Variants in RALGAPA1 observed in about 807,000 individuals in gnomAD.
RALGAPA1 encodes Ral GTPase activating protein catalytic subunit alpha 1.
A neutral mutation model predicts 269.6 loss-of-function variants in RALGAPA1; 52 were observed. That is an observed-to-expected ratio of 0.19 (90% confidence interval 0.15 to 0.24). RALGAPA1 has a LOEUF of 0.24. RALGAPA1 is among the 10% of genes least tolerant of loss of function. The probability of loss-of-function intolerance (pLI) is 1.00; values close to 1 mark genes in which losing one functional copy is unlikely to be tolerated. For missense variants in RALGAPA1, 1,917 were observed against 3,013.9 expected (o/e 0.64, Z 8.52); for synonymous variants, 817 against 1,008.3 (o/e 0.81, Z 3.60).
Position 35,688,264 on chromosome 14 carries a change from A to T in RALGAPA1, c.3952+195T>A, listed in dbSNP as rs185145805. On this transcript the variant is annotated intron_variant, in intron 18 of 41. Coordinates refer to ENST00000680220, the MANE Select transcript of RALGAPA1 (RefSeq NM_001346249.2). The stretch of plus-strand genomic sequence containing the variant: ...AAAGAGGTTTAACTAAATGCCTTAT[A>T]AGGGAAATTAGTAATTTAAATAAAC... 6.6e-5 allele frequency among the ~76,000 whole-genome samples: 10 copies of T among 152,330 alleles called. No homozygotes were observed. The East Asian group carries it at 1.7e-3, about 26-fold the overall frequency.
chr14:35,597,088 G>A (rs2058973255), intron 36 of RALGAPA1, among the ~76,000 whole-genome samples: 1 of 152,114 alleles, frequency 6.6e-6, no homozygotes, highest in Non-Finnish European at 1.5e-5. Flanking sequence ...GTTGTTTTCT[G>A]TCTTTTGCTA....
intron 35 of RALGAPA1, among the ~76,000 whole-genome samples, chr14:35,618,938 C>T (rs531366428): frequency 2.0e-5 from 3 of 152,026 alleles, no homozygotes; most frequent in African/African-American, 7.2e-5. Context: ...TGGTGCTTTG[C>T]TTTTTCTACA....
At chr14:35,548,404 G>C in intron 41 of RALGAPA1, 104 bp downstream of exon 41, 1 of 775,256 alleles carries the variant, frequency 1.3e-6, no homozygotes, top group East Asian at 2.8e-5. Context: ...ACCGGACAGT[G>C]TTAAGTTTAC....
In RALGAPA1 at chr14:35,669,093, T is replaced by G. The variant is rs568114583; in HGVS notation, c.5202+2296A>C. ...CTTTCAGGGACATATTTATGTATAT[T>G]TTCCATGAAACCTCCATGATATCCC... On this transcript the variant is annotated intron_variant, in intron 26 of 41. Transcript: ENST00000680220. Among the ~76,000 whole-genome samples, 10 of 152,294 alleles carry G rather than the reference T, an allele frequency of 6.6e-5. 1 individual carries two copies. Among genetic ancestry groups the G allele is most frequent in the African/African-American group, 2.4e-4 (10 of 41,574 alleles).
At chr14:35,798,870 C>A (rs1434963055) in intron 1 of RALGAPA1, among the ~76,000 whole-genome samples, 1 of 152,034 alleles carries the variant, frequency 6.6e-6, no homozygotes, top group Non-Finnish European at 1.5e-5. Context: ...GTGGTACATG[C>A]CTGTAATCCC....
chr14:35,668,750 A>G (rs2064159670), intron 26 of RALGAPA1, among the ~76,000 whole-genome samples: 1 of 152,184 alleles, frequency 6.6e-6, no homozygotes, highest in Non-Finnish European at 1.5e-5. Context: ...GGCTGCAGTG[A>G]GCCTCGATTG....
At chr14:35,776,315 A>G (rs1043376563) in intron 1 of RALGAPA1, among the ~76,000 whole-genome samples, 1 of 151,812 alleles carries the variant, frequency 6.6e-6, no homozygotes, top group Admixed American at 6.6e-5. Flanking sequence ...CAGGAGGTGG[A>G]GGCTACAGTG....
intron 6 of RALGAPA1, among the ~76,000 whole-genome samples, chr14:35,760,155 T>C (rs1342372691): frequency 3.3e-5 from 5 of 152,146 alleles, no homozygotes; most frequent in African/African-American, 9.7e-5. Context: ...CAAGGTGATA[T>C]GTAATAATTA....
At chr14:35,602,924 G>A (rs1035615076) in intron 36 of RALGAPA1, among the ~76,000 whole-genome samples, 1 of 152,074 alleles carries the variant, frequency 6.6e-6, no homozygotes. Context: ...TTTTGTATAT[G>A]GTATGGGGTA....
intron 37 of RALGAPA1, among the ~76,000 whole-genome samples, chr14:35,583,736 C>T (rs2058096914): frequency 6.6e-6 from 1 of 151,892 alleles, no homozygotes; most frequent in African/African-American, 2.4e-5. Flanking sequence ...TATAGAGTAG[C>T]AAAGATAAAA....
intron 37 of RALGAPA1, among the ~76,000 whole-genome samples, chr14:35,577,889 A>C (rs998701675): frequency 3.3e-5 from 5 of 152,150 alleles, no homozygotes; most frequent in Non-Finnish European, 7.3e-5. Flanking sequence ...TTTCCTTACT[A>C]CATTGCTAAT....
At chr14:35,741,966 T>C (rs1287972049) in intron 11 of RALGAPA1, among the ~76,000 whole-genome samples, 4 of 152,238 alleles carry the variant, frequency 2.6e-5, no homozygotes, top group Non-Finnish European at 5.9e-5. Flanking sequence ...CTGTAGCTTA[T>C]GCTGGGTAGC....
chr14:35,541,999 G>T, intron 41 of RALGAPA1: 1 of 1,246,822 alleles, frequency 8.0e-7, no homozygotes, highest in Non-Finnish European at 1.0e-6. Flanking sequence ...CAATGACAAT[G>T]CTTTGTAAAT....
At chr14:35,636,413 C>CA (rs1308337821) in intron 31 of RALGAPA1, among the ~76,000 whole-genome samples, 1 of 152,096 alleles carries the variant, frequency 6.6e-6, no homozygotes, top group South Asian at 2.1e-4. Context: ...ACATATCTTC[C>CA]AAAAAATAAA....
chr14:35,736,523 A>C (rs2071008116), intron 12 of RALGAPA1, among the ~76,000 whole-genome samples: 1 of 152,148 alleles, frequency 6.6e-6, no homozygotes, highest in Non-Finnish European at 1.5e-5. Flanking sequence ...CAGAAAAATC[A>C]GTGAAAGAAT....
intron 36 of RALGAPA1, among the ~76,000 whole-genome samples, chr14:35,599,117 C>A (rs1441638315): frequency 6.6e-6 from 1 of 152,152 alleles, no homozygotes; most frequent in South Asian, 2.1e-4. Flanking sequence ...CCTTTACCAT[C>A]CCTGTTTGAA....
intron 31 of RALGAPA1, among the ~76,000 whole-genome samples, chr14:35,640,652 A>G (rs2061968522): frequency 6.6e-6 from 1 of 152,224 alleles, no homozygotes; most frequent in African/African-American, 2.4e-5. Context: ...GCTAAATTCT[A>G]CCAAACATTT....
intron 1 of RALGAPA1, among the ~76,000 whole-genome samples, chr14:35,791,600 T>C (rs187380047): frequency 8.0e-5 from 12 of 149,566 alleles, no homozygotes; most frequent in Admixed American, 3.3e-4. Context: ...AGAGCGAAAC[T>C]CTGTCTCAAA....
At chr14:35,697,997 T>C (rs1354226479) in intron 17 of RALGAPA1, among the ~76,000 whole-genome samples, 1 of 152,194 alleles carries the variant, frequency 6.6e-6, no homozygotes, top group Non-Finnish European at 1.5e-5. Flanking sequence ...TTTGGAGGAT[T>C]ATGTGTATTT....
Sources: allele counts gnomAD v4.1 joint callset (sites outside exome capture counted in the v4.1 genomes callset), GRCh38; gene constraint gnomAD v4.1.1; transcripts MANE v1.5; gene names NCBI Gene and HGNC (gene_info 2026-07-23, HGNC 2026-07-21).